The following TRPM7 variants were observed in gnomAD, a reference collection of about 807,000 sequenced individuals.
TRPM7 encodes the protein transient receptor potential cation channel subfamily M member 7, also known as LTRPC ion channel family member 7.
TRPM7 carries 134 observed loss-of-function variants against 229.7 expected under a neutral mutation model. That is an observed-to-expected ratio of 0.58 (90% confidence interval 0.51 to 0.67). The LOEUF (loss-of-function observed/expected upper bound fraction) is 0.67. Ranked by LOEUF, TRPM7 falls within the 30% of genes least tolerant of loss-of-function variation. The pLI, the probability that TRPM7 is intolerant of heterozygous loss-of-function variation, is 0.00. For synonymous variants in TRPM7, 699 were observed against 715.2 expected, an observed-to-expected ratio of 0.98 and a Z score of 0.36; for missense variants, 1,901 against 2,210.0, an observed-to-expected ratio of 0.86 and a Z score of 2.80.
chr15:50,562,040 A>G (rs1338549084), intron 38 of TRPM7, among the ~76,000 whole-genome samples: 1 of 152,058 alleles, frequency 6.6e-6, no homozygotes, highest in Non-Finnish European at 1.5e-5. Flanking sequence ...GATTACAGGC[A>G]TGCACCACCA....
At chr15:50,572,340 A>C (rs1490485207) in intron 36 of TRPM7, among the ~76,000 whole-genome samples, 1 of 152,236 alleles carries the variant, frequency 6.6e-6, no homozygotes, top group East Asian at 1.9e-4. Context: ...AAACTTCAGC[A>C]ACTATCAGTT....
chr15:50,673,672 G>A lies in TRPM7; in HGVS notation c.4-10626C>T, dbSNP rs546210618. Among the ~76,000 whole-genome samples, 7 of 151,884 alleles carry A rather than the reference G, an allele frequency of 4.6e-5. No homozygotes were observed. In the East Asian group the frequency reaches 1.2e-3, roughly 25 times the overall value. On this transcript the variant is annotated intron_variant, in intron 1 of 38. Transcript: ENST00000646667. ...TATACCACAGTTTCTTTATCCACTCGTTGACTTGATGGGCATTTGAGTTGG... is the reference window on the plus strand; with the variant it reads ...TATACCACAGTTTCTTTATCCACTCATTGACTTGATGGGCATTTGAGTTGG...
At chr15:50,662,332 A>C (rs1027225108) in intron 2 of TRPM7, among the ~76,000 whole-genome samples, 1 of 152,036 alleles carries the variant, frequency 6.6e-6, no homozygotes, top group Admixed American at 6.6e-5. Flanking sequence ...GTTCCAAAAA[A>C]AAAAAAAAGG....
At chr15:50,657,154 T>C (rs892300359) in intron 3 of TRPM7, among the ~76,000 whole-genome samples, 7 of 152,052 alleles carry the variant, frequency 4.6e-5, no homozygotes, top group African/African-American at 1.4e-4. Context: ...TGAAACCCCA[T>C]TTCTACTAAG....
chr15:50,616,028 C>T (rs1197585922), intron 13 of TRPM7, among the ~76,000 whole-genome samples: 2 of 152,052 alleles, frequency 1.3e-5, no homozygotes, highest in Non-Finnish European at 2.9e-5. Flanking sequence ...TTGGTTTTAA[C>T]TCAAGCAATC....
chr15:50,604,707 A>C, intron 21 of TRPM7, 159 bp downstream of exon 21: 1 of 689,458 alleles, frequency 1.5e-6, no homozygotes, highest in South Asian at 2.1e-5. Flanking sequence ...GGGATTGAGC[A>C]TGAGAAACTC....
chr15:50,686,145 G>A (rs1174686388), intron 1 of TRPM7, among the ~76,000 whole-genome samples: 1 of 152,170 alleles, frequency 6.6e-6, no homozygotes, highest in Admixed American at 6.5e-5. Context: ...GCCAGCAACT[G>A]GCGCCAGGAG....
chr15:50,572,915 G>A (rs547088314), intron 36 of TRPM7, among the ~76,000 whole-genome samples: 6 of 152,212 alleles, frequency 3.9e-5, no homozygotes, highest in African/African-American at 1.2e-4. Context: ...TTGAAATTAA[G>A]TCTGCTCTTC....
At chr15:50,665,153 G>T (rs889383509) in intron 1 of TRPM7, among the ~76,000 whole-genome samples, 1 of 151,850 alleles carries the variant, frequency 6.6e-6, no homozygotes, top group South Asian at 2.1e-4. Flanking sequence ...CCTGCAATCC[G>T]AGTACTTTAG....
At chr15:50,626,616 T>C (rs2060567362) in intron 11 of TRPM7, among the ~76,000 whole-genome samples, 1 of 152,174 alleles carries the variant, frequency 6.6e-6, no homozygotes, top group Admixed American at 6.5e-5. Context: ...AGATAAATGC[T>C]TCATCCAAGC....
At position 50,642,135 on chromosome 15, in the gene TRPM7, A is replaced by G. The variant is rs1051863782; in HGVS notation, c.535+1205T>C. Reference sequence around the variant, plus strand: ...TGTGATAGGGAAGATATAGAATAAAAGACAGTAGTATGTTACAAATTAATT... The same window carrying G: ...TGTGATAGGGAAGATATAGAATAAAGGACAGTAGTATGTTACAAATTAATT... On this transcript the variant is annotated intron_variant, in intron 5 of 38. Transcript: ENST00000646667. Among the ~76,000 whole-genome samples, 5 of 152,364 alleles carry G rather than the reference A, an allele frequency of 3.3e-5. No homozygotes were observed. In the South Asian group the frequency reaches 1.0e-3, roughly 32 times the overall value.
intron 38 of TRPM7, among the ~76,000 whole-genome samples, chr15:50,564,780 T>C (rs918511501): frequency 1.3e-5 from 2 of 152,110 alleles, no homozygotes; most frequent in African/African-American, 4.8e-5. Flanking sequence ...CAAACATATT[T>C]GCAACTATAT....
chr15:50,672,981 T>C (rs2062023191), intron 1 of TRPM7, among the ~76,000 whole-genome samples: 1 of 151,698 alleles, frequency 6.6e-6, no homozygotes, highest in African/African-American at 2.4e-5. Flanking sequence ...CAATGTGTTT[T>C]ATACGAAGTG....
intron 1 of TRPM7, among the ~76,000 whole-genome samples, chr15:50,666,477 A>G (rs1056829667): frequency 6.6e-6 from 1 of 151,560 alleles, no homozygotes; most frequent in African/African-American, 2.4e-5. Context: ...AGGAAGAGGA[A>G]GAAGAGGAAG....
At chr15:50,601,414 C>T (rs1224767976) in intron 21 of TRPM7, among the ~76,000 whole-genome samples, 1 of 152,146 alleles carries the variant, frequency 6.6e-6, no homozygotes, top group Non-Finnish European at 1.5e-5. Context: ...GAGGCCGAGG[C>T]AGGCGGATCA....
In TRPM7 at chr15:50,657,140, A is replaced by G. The variant is rs532424779; in HGVS notation, c.122+641T>C. On this transcript the variant is annotated intron_variant, in intron 3 of 38. Transcript: ENST00000646667. ...GGAATTCAAGACCAGCCTGGCCAAC[A>G]TGGTGAAACCCCATTTCTACTAAGA... Among the ~76,000 whole-genome samples, 6 of 152,290 alleles carry G rather than the reference A, an allele frequency of 3.9e-5. No homozygotes were observed. In the South Asian group the frequency reaches 6.2e-4, roughly 16 times the overall value.
chr15:50,612,076 T>A (rs2060076078), intron 16 of TRPM7, among the ~76,000 whole-genome samples: 1 of 152,218 alleles, frequency 6.6e-6, no homozygotes, highest in Admixed American at 6.5e-5. Context: ...TTTGCAAAAA[T>A]TAAAATGAAT....
In TRPM7 at chr15:50,643,474, T is replaced by A; in HGVS notation, c.401A>T (p.Lys134Ile). 1 of 1,614,124 alleles carries A rather than the reference T, an allele frequency of 6.2e-7. No individual in the cohort carries two copies. The highest frequency in any genetic ancestry group is 8.5e-7 in the Non-Finnish European group (1 of 1,180,030). ...LLKEWQMELP[K>I]LVISVHGGMQ... ...GCCCCCATGTACAGAGATAACAAGT[T>A]TGGGTAACTCCATTTGCCATTCTTT... Residue 134 changes from lysine (K) to isoleucine (I), a missense_variant, in exon 5 of 39, where the codon AAA becomes ATA. This residue lies in a region of TRPM7 where 794 missense variants were observed against 881.9 expected (regional missense o/e 0.90). Transcript: ENST00000646667.
At chr15:50,657,881 TATAAAATAC>T (rs1248865123) in intron 2 of TRPM7, 62 bp from the exon 3 acceptor site, 32 of 1,373,000 alleles carry the variant, frequency 2.3e-5, no homozygotes, top group African/African-American at 1.5e-4. Context: ...TTTTAAAGTA[TATAAAATAC>T]ATAAAATACA....
Sources: gnomAD v4.1 joint callset for allele counts (sites outside exome capture counted in the v4.1 genomes callset) on GRCh38, gnomAD v4.1.1 for gene constraint, gnomAD v4.1.1 regional missense constraint, MANE v1.5 for transcripts, NCBI Gene and HGNC (gene_info 2026-07-23, HGNC 2026-07-21) for gene names.